The following TGM6 variants were observed in gnomAD, a reference collection of about 807,000 sequenced individuals.
TGM6 encodes protein-glutamine gamma-glutamyltransferase 6.
Under a neutral mutation model 77.5 loss-of-function variants are expected in TGM6, and 74 were observed. The observed-to-expected ratio is 0.96, with a 90% CI of 0.79 to 1.16. TGM6 has a LOEUF of 1.16. Among genes scored for constraint, TGM6 ranks in the 50% most tolerant of loss-of-function variants. The pLI is 0.00. For synonymous variants in TGM6, 383 were observed against 378.9 expected, an observed-to-expected ratio of 1.01 and a Z score of -0.12; for missense variants, 968 against 940.2, an observed-to-expected ratio of 1.03 and a Z score of -0.39.
intron 1 of TGM6, among the ~76,000 whole-genome samples, chr20:2,382,328 G>T (rs2084561069): frequency 6.6e-6 from 1 of 152,182 alleles, no homozygotes; most frequent in Non-Finnish European, 1.5e-5. Context: ...CAGAGCTGGG[G>T]TTGCCTCCCT....
At chr20:2,431,866 AGAG>A (rs2084925981) in intron 12 of TGM6, among the ~76,000 whole-genome samples, 1 of 152,184 alleles carries the variant, frequency 6.6e-6, no homozygotes, top group South Asian at 2.1e-4. Flanking sequence ...TCCTGGAAAA[AGAG>A]AACTTGATTT....
At chr20:2,423,897 A>G (rs1368570543) in intron 10 of TGM6, among the ~76,000 whole-genome samples, 4 of 152,242 alleles carry the variant, frequency 2.6e-5, no homozygotes, top group Non-Finnish European at 5.9e-5. Flanking sequence ...ATCTCATTGT[A>G]CACCTCCATC....
intron 7 of TGM6, among the ~76,000 whole-genome samples, chr20:2,401,563 C>T (rs1189913367): frequency 6.6e-6 from 1 of 152,186 alleles, no homozygotes; most frequent in Admixed American, 6.5e-5. Context: ...AATAACGTAA[C>T]ACCCACCAAG....
chr20:2,418,950 G>A (rs1203749859), intron 10 of TGM6, among the ~76,000 whole-genome samples: 13 of 152,114 alleles, frequency 8.5e-5, no homozygotes, highest in Admixed American at 6.5e-4. Flanking sequence ...GGTGGCACAC[G>A]CCTGTAGTCC....
intron 1 of TGM6, among the ~76,000 whole-genome samples, chr20:2,386,066 A>T (rs1320413310): frequency 6.6e-6 from 1 of 152,124 alleles, no homozygotes; most frequent in East Asian, 1.9e-4. Flanking sequence ...GGGCCTGGAA[A>T]CCATCCCAAG....
rs554227281 is a variant in TGM6 at position 2,406,269 on chromosome 20, C to G, written c.1336+2446C>G. Among the ~76,000 whole-genome samples the G allele has an allele frequency of 7.2e-5, 11 of 152,234 alleles. No homozygotes were observed. The South Asian group carries it at 2.3e-3, about 32-fold the overall frequency. ...ATTGCTGGGTCCCTTCAGCTGGGAGCTTCTGGAACTTAGAACGTGGGGTCT... is the reference window on the plus strand; with the variant it reads ...ATTGCTGGGTCCCTTCAGCTGGGAGGTTCTGGAACTTAGAACGTGGGGTCT... On this transcript the variant is annotated intron_variant, in intron 9 of 12. Transcript: ENST00000202625.
In TGM6 at chr20:2,396,584, T is replaced by A; in HGVS notation, c.503T>A (p.Val168Glu). Residue 168 changes from valine to glutamate, a missense_variant, in exon 4 of 13, where the codon GTG becomes GAG. Transcript: ENST00000202625. ...GACAGCGGCATCATCTTCCGAGGCGTGGAGAAGCACATACGAGCCCAGGGC... is the reference window on the plus strand; with the variant it reads ...GACAGCGGCATCATCTTCCGAGGCGAGGAGAAGCACATACGAGCCCAGGGC... ...LSDSGIIFRG[V>E]EKHIRAQGWN... 2.5e-6 allele frequency: 4 copies of A among 1,614,108 alleles called. No individual in the cohort carries two copies. Among genetic ancestry groups the A allele is most frequent in the Non-Finnish European group, 3.4e-6 (4 of 1,180,018 alleles).
chr20:2,407,324 A>C (rs1430154721), intron 9 of TGM6, among the ~76,000 whole-genome samples: 1 of 152,222 alleles, frequency 6.6e-6, no homozygotes, highest in Non-Finnish European at 1.5e-5. Flanking sequence ...ATTTATTTTA[A>C]AATCATTTTA....
At chr20:2,409,104 TAA>T (rs1202997782) in intron 9 of TGM6, among the ~76,000 whole-genome samples, 1 of 152,138 alleles carries the variant, frequency 6.6e-6, no homozygotes, top group Admixed American at 6.5e-5. Context: ...TCAGTAAACT[TAA>T]GAGGATTGAA....
intron 1 of TGM6, among the ~76,000 whole-genome samples, chr20:2,389,164 C>T (rs2084615008): frequency 1.3e-5 from 2 of 152,244 alleles, no homozygotes; most frequent in Admixed American, 1.3e-4. Context: ...TCTCTCAGGT[C>T]ACTTGCTCAG....
chr20:2,389,318 C>T (rs573681698), intron 1 of TGM6, among the ~76,000 whole-genome samples: 2 of 152,282 alleles, frequency 1.3e-5, no homozygotes, highest in South Asian at 4.1e-4. Flanking sequence ...GATCCTCCAG[C>T]CTCAGTCAAG....
Position 2,399,773 on chromosome 20 carries a change from G to A in TGM6, c.850+35G>A, listed in dbSNP as rs199936962. ...GAGAGAAGGGCCCCAGGGTACCTGT[G>A]CCCCCAGCTTCCTCTATCTAAATGT... On this transcript the variant is annotated intron_variant, in intron 6 of 12. Transcript: ENST00000202625. 1.7e-4 allele frequency: 271 copies of A among 1,576,658 alleles called. 2 individuals are homozygous for A. In the African/African-American group the frequency reaches 3.4e-3, roughly 20 times the overall value.
At chr20:2,429,570 A>C (rs550501785) in intron 10 of TGM6, among the ~76,000 whole-genome samples, 1 of 152,216 alleles carries the variant, frequency 6.6e-6, no homozygotes, top group Admixed American at 6.5e-5. Flanking sequence ...AAAGATCGAG[A>C]CCATCCTGGC....
At position 2,399,681 on chromosome 20, in the gene TGM6, A is replaced by G. The variant is rs1301644609; in HGVS notation, c.793A>G (p.Arg265Gly). Residue 265 changes from arginine (R) to glycine (G), a missense_variant, in exon 6 of 13, where the codon AGG becomes GGG. Arg to Gly is a moderately radical substitution (Grantham distance 125, BLOSUM62 -2). Coordinates refer to ENST00000202625, the MANE Select transcript of TGM6 (RefSeq NM_198994.3). ...CATTCTGCAGAAGTGGCTCAAGGGC[A>G]GGTACAAGCCAGTCAAGTACGGCCA... ...VAILQKWLKGRYKPVKYGQCW... is the reference protein window; with the variant it reads ...VAILQKWLKGGYKPVKYGQCW... 2.5e-6 allele frequency: 4 copies of G among 1,613,106 alleles called. No homozygotes were observed. The highest frequency in any genetic ancestry group is 1.7e-5 in the Admixed American group (1 of 59,940).
chr20:2,412,642 C>A (rs2084791761), intron 9 of TGM6, among the ~76,000 whole-genome samples: 1 of 151,862 alleles, frequency 6.6e-6, no homozygotes, highest in Non-Finnish European at 1.5e-5. Context: ...CTAAGGAATC[C>A]ATTAAAAAGC....
chr20:2,388,460 C>G (rs568318999), intron 1 of TGM6, among the ~76,000 whole-genome samples: 8 of 152,256 alleles, frequency 5.3e-5, no homozygotes, highest in African/African-American at 1.7e-4. Context: ...AGATTCCCAG[C>G]TCCATCACTT....
At chr20:2,389,557 A>G (rs1451044600) in intron 1 of TGM6, among the ~76,000 whole-genome samples, 1 of 152,212 alleles carries the variant, frequency 6.6e-6, no homozygotes, top group Non-Finnish European at 1.5e-5. Context: ...CCCTCTCAAT[A>G]TAACAAGTAT....
intron 3 of TGM6, 44 bp downstream of exon 3, chr20:2,395,480 T>A (rs73894931): frequency 8.1e-6 from 13 of 1,613,928 alleles, no homozygotes; most frequent in Non-Finnish European, 1.0e-5. Flanking sequence ...CCAAAAGACA[T>A]CCTTAGAGGA....
At chr20:2,428,424 CA>C (rs1256973439) in intron 10 of TGM6, among the ~76,000 whole-genome samples, 2 of 152,144 alleles carry the variant, frequency 1.3e-5, no homozygotes, top group African/African-American at 4.8e-5. Flanking sequence ...AAGCTCTGCT[CA>C]TGTGTATCAT....
Sources: allele counts gnomAD v4.1 joint callset (sites outside exome capture counted in the v4.1 genomes callset), GRCh38; gene constraint gnomAD v4.1.1; transcripts MANE v1.5; gene names NCBI Gene and HGNC (gene_info 2026-07-23, HGNC 2026-07-21).